Variants in APP observed in about 807,000 individuals in gnomAD.
APP encodes amyloid beta precursor protein.
A neutral mutation model predicts 101.4 loss-of-function variants in APP; 31 were observed. The observed-to-expected ratio is 0.31, with a 90% confidence interval of 0.23 to 0.41. The LOEUF is 0.41. Among genes scored for constraint, APP ranks in the 10% least tolerant of loss-of-function variants. APP has a pLI of 1.00. For synonymous variants in APP, 366 were observed against 364.4 expected, an observed-to-expected ratio of 1.00 and a Z score of -0.05; for missense variants, 839 against 1,003.7, an observed-to-expected ratio of 0.84 and a Z score of 2.22.
At chr21:25,910,256 T>G (rs552402471) in intron 14 of APP, among the ~76,000 whole-genome samples, 4 of 152,070 alleles carry the variant, frequency 2.6e-5, no homozygotes, top group African/African-American at 9.6e-5. Flanking sequence ...GCCTCCCGAG[T>G]AGCTGGGACT....
intron 13 of APP, chr21:25,933,791 GTTA>G (rs928058562): frequency 6.6e-6 from 1 of 151,406 alleles, no homozygotes; most frequent in Admixed American, 6.6e-5. Flanking sequence ...CCAATTAAAT[GTTA>G]TTATTTTTTT....
intron 13 of APP, among the ~76,000 whole-genome samples, chr21:25,912,257 A>C (rs1269482012): frequency 1.3e-5 from 2 of 152,200 alleles, no homozygotes; most frequent in Non-Finnish European, 2.9e-5. Context: ...CTAGAGGTGA[A>C]AGGCCACAGG....
At chr21:26,152,154 G>A (rs536271489) in intron 1 of APP, among the ~76,000 whole-genome samples, 145 of 151,662 alleles carry the variant, frequency 9.6e-4, no homozygotes, top group Non-Finnish European at 1.5e-3. Flanking sequence ...GCGTGGTGGC[G>A]GGCGCCCGTA....
intron 13 of APP, among the ~76,000 whole-genome samples, chr21:25,931,996 T>C (rs1220479566): frequency 5.9e-5 from 9 of 152,202 alleles, no homozygotes; most frequent in Admixed American, 5.9e-4. Flanking sequence ...TGGTAATAAA[T>C]TCTGCTAGAC....
intron 14 of APP, among the ~76,000 whole-genome samples, chr21:25,907,127 C>T (rs2038832750): frequency 6.6e-6 from 1 of 151,896 alleles, no homozygotes; most frequent in Non-Finnish European, 1.5e-5. Context: ...AGTTTCTCTG[C>T]CTCTCCCCGC....
At chr21:25,892,965 A>AAC (rs869050591) in intron 16 of APP, among the ~76,000 whole-genome samples, 1 of 6,116 alleles carries the variant, frequency 1.6e-4, no homozygotes, top group African/African-American at 1.2e-3. Context: ...AAAAAAACAA[A>AAC]AAGGTTTCTG....
Position 25,950,389 on chromosome 21 carries a change from T to C in APP, c.1687+4201A>G, listed in dbSNP as rs528957513. On this transcript the variant is annotated intron_variant, in intron 13 of 17. Transcript: ENST00000346798. ...AGCAGCTTTTTTTTTTTCTTTTTTT[T>C]TTTTTTTGGAGACGGAGTTTTGCTC... 2.6e-5 allele frequency among the ~76,000 whole-genome samples: 4 copies of C among 151,296 alleles called. No homozygotes were observed. In the East Asian group the frequency reaches 5.8e-4, roughly 22 times the overall value.
intron 3 of APP, among the ~76,000 whole-genome samples, chr21:26,085,837 T>C (rs2061691794): frequency 6.6e-6 from 1 of 152,238 alleles, no homozygotes; most frequent in Non-Finnish European, 1.5e-5. Context: ...TTAATATGAA[T>C]TGAATACCTT....
intron 1 of APP, among the ~76,000 whole-genome samples, chr21:26,119,784 T>C (rs537994112): frequency 1.3e-5 from 2 of 152,268 alleles, no homozygotes; most frequent in African/African-American, 2.4e-5. Flanking sequence ...CTAGAATTAG[T>C]GCATTTAAGT....
At chr21:26,032,793 A>AG (rs2044891599) in intron 5 of APP, among the ~76,000 whole-genome samples, 1 of 36,166 alleles carries the variant, frequency 2.8e-5, no homozygotes, top group Admixed American at 5.1e-4. Context: ...TTATTATTTT[A>AG]GAAAAAAAAA....
chr21:25,979,465 A>C (rs2042342777), intron 9 of APP, among the ~76,000 whole-genome samples: 1 of 152,184 alleles, frequency 6.6e-6, no homozygotes, highest in Admixed American at 6.5e-5. Flanking sequence ...GGCAAGTTTA[A>C]AGTTGAAAAG....
At chr21:26,123,813 C>A (rs913295198) in intron 1 of APP, among the ~76,000 whole-genome samples, 2 of 152,126 alleles carry the variant, frequency 1.3e-5, no homozygotes, top group Non-Finnish European at 2.9e-5. Flanking sequence ...TTCAGTGACA[C>A]AACATCAGAG....
At chr21:25,936,483 C>CA (rs1258636671) in intron 13 of APP, among the ~76,000 whole-genome samples, 2 of 152,182 alleles carry the variant, frequency 1.3e-5, no homozygotes, top group Non-Finnish European at 2.9e-5. Context: ...GTGGAGGTTG[C>CA]AGTGAGCCAA....
chr21:25,945,870 T>C (rs753391987), intron 13 of APP: 5 of 455,286 alleles, frequency 1.1e-5, no homozygotes, highest in South Asian at 7.8e-5. Context: ...TTTGTAGAAA[T>C]GTGGTCTTGC....
chr21:26,079,044 CA>C lies in APP; in HGVS notation c.355+10898del, dbSNP rs34285555. Among the ~76,000 whole-genome samples, 586 of 114,390 alleles carry C rather than the reference CA, an allele frequency of 5.1e-3. 2 individuals are homozygous for C. Among genetic ancestry groups the C allele is most frequent in the African/African-American group, 0.015 (418 of 28,622 alleles). 75.0% of individuals were successfully genotyped at this position (114,390 alleles called of 152,430 possible). On this transcript the variant is annotated intron_variant, in intron 3 of 17. Coordinates refer to ENST00000346798, the MANE Select transcript of APP (RefSeq NM_000484.4). ...GGCAACAAAGAGTGAAACTCCATCT[CA>C]AAAAAAAAAAAAAAAAATCAAACTC...
chr21:26,105,409 A>G (rs1431855541), intron 2 of APP, among the ~76,000 whole-genome samples: 2 of 152,204 alleles, frequency 1.3e-5, no homozygotes, highest in Admixed American at 6.5e-5. Flanking sequence ...TATAAAAATA[A>G]TACAACTTAT....
intron 2 of APP, among the ~76,000 whole-genome samples, chr21:26,110,785 T>C (rs1018454171): frequency 6.6e-6 from 1 of 152,174 alleles, no homozygotes; most frequent in Admixed American, 6.5e-5. Flanking sequence ...AAATTTCTAG[T>C]ACAAAAAGGA....
intron 8 of APP, among the ~76,000 whole-genome samples, chr21:25,995,614 C>T (rs1397320484): frequency 1.3e-5 from 2 of 152,110 alleles, no homozygotes; most frequent in Non-Finnish European, 1.5e-5. Flanking sequence ...TGAAAATGCT[C>T]GGTACAATGC....
chr21:26,111,688 A>C (rs568169152), intron 2 of APP, among the ~76,000 whole-genome samples: 4 of 152,220 alleles, frequency 2.6e-5, no homozygotes, highest in African/African-American at 9.6e-5. Flanking sequence ...AGTAAGCCAT[A>C]ATCTTGCCAC....
Sources: gnomAD v4.1 joint callset for allele counts (sites outside exome capture counted in the v4.1 genomes callset) on GRCh38, gnomAD v4.1.1 for gene constraint, MANE v1.5 for transcripts, NCBI Gene and HGNC (gene_info 2026-07-23, HGNC 2026-07-21) for gene names.